Variants in GUCY1A2 observed in about 807,000 individuals in gnomAD.
The protein encoded by GUCY1A2 is guanylate cyclase 1 soluble subunit alpha 2.
A neutral mutation model predicts 63.5 loss-of-function variants in GUCY1A2; 27 were observed. The observed-to-expected ratio is 0.43, with a 90% CI of 0.31 to 0.59. The LOEUF (loss-of-function observed/expected upper bound fraction) is 0.59. GUCY1A2 is among the 20% of genes least tolerant of loss of function. GUCY1A2 has a pLI of 0.11. For missense variants in GUCY1A2, 768 were observed against 913.3 expected, an observed-to-expected ratio of 0.84 and a Z score of 2.05; for synonymous variants, 364 against 343.5, an observed-to-expected ratio of 1.06 and a Z score of -0.66.
At chr11:107,008,108 AC>A (rs2120200748) in intron 1 of GUCY1A2, among the ~76,000 whole-genome samples, 1 of 149,514 alleles carries the variant, frequency 6.7e-6, no homozygotes, top group Admixed American at 7.2e-5. Context: ...ATATGGCGAA[AC>A]CCCTAATAAA....
At chr11:106,760,935 A>ATACTC (rs1864056015) in intron 6 of GUCY1A2, among the ~76,000 whole-genome samples, 1 of 152,176 alleles carries the variant, frequency 6.6e-6, no homozygotes, top group Non-Finnish European at 1.5e-5. Flanking sequence ...AAAAATAGTA[A>ATACTC]TACTCTGATA....
intron 7 of GUCY1A2, among the ~76,000 whole-genome samples, chr11:106,691,765 A>G (rs1277552882): frequency 6.6e-6 from 1 of 152,216 alleles, no homozygotes; most frequent in Admixed American, 6.5e-5. Context: ...CCCAGTAAAC[A>G]TTTTGGTATC....
At chr11:106,850,080 C>T (rs892315534) in intron 4 of GUCY1A2, among the ~76,000 whole-genome samples, 4 of 151,708 alleles carry the variant, frequency 2.6e-5, no homozygotes, top group African/African-American at 9.7e-5. Flanking sequence ...AGGCAAACTA[C>T]TAATCTAGTC....
intron 7 of GUCY1A2, among the ~76,000 whole-genome samples, chr11:106,697,531 T>G (rs1226185332): frequency 6.6e-6 from 1 of 152,162 alleles, no homozygotes; most frequent in African/African-American, 2.4e-5. Flanking sequence ...TTTGAGAGGA[T>G]TTGAAACAAA....
chr11:106,990,686 CA>C (rs1861459952), intron 1 of GUCY1A2, among the ~76,000 whole-genome samples: 1 of 152,232 alleles, frequency 6.6e-6, no homozygotes, highest in South Asian at 2.1e-4. Context: ...AGCTGCAGCT[CA>C]GGGAGGTTAA....
At chr11:106,697,977 C>T (rs1376140087) in intron 7 of GUCY1A2, among the ~76,000 whole-genome samples, 1 of 152,138 alleles carries the variant, frequency 6.6e-6, no homozygotes, top group Admixed American at 6.6e-5. Context: ...ACTCCACTCC[C>T]TGTGGAACAT....
intron 5 of GUCY1A2, among the ~76,000 whole-genome samples, chr11:106,800,762 T>C (rs560566197): frequency 6.6e-6 from 1 of 151,860 alleles, no homozygotes; most frequent in East Asian, 1.9e-4. Flanking sequence ...GGGGGAGGGA[T>C]AGCATTAGGA....
chr11:106,765,998 C>T (rs1003497634), intron 6 of GUCY1A2, among the ~76,000 whole-genome samples: 2 of 152,102 alleles, frequency 1.3e-5, no homozygotes, highest in Non-Finnish European at 2.9e-5. Context: ...GGAAGCATTA[C>T]AAATGTCCAG....
At chr11:107,001,675 G>A (rs1861614881) in intron 1 of GUCY1A2, among the ~76,000 whole-genome samples, 1 of 150,098 alleles carries the variant, frequency 6.7e-6, no homozygotes, top group East Asian at 1.9e-4. Context: ...CATTTGTGTG[G>A]TATACTTAAA....
intron 4 of GUCY1A2, among the ~76,000 whole-genome samples, chr11:106,910,283 T>C (rs1350596854): frequency 1.3e-5 from 2 of 152,004 alleles, no homozygotes; most frequent in East Asian, 3.9e-4. Context: ...ATCCCTATTA[T>C]ATTTCAAAAT....
At position 106,676,970 on chromosome 11, in the gene GUCY1A2, G is replaced by C. The variant is rs1412991510; in HGVS notation, c.*10579C>G. On this transcript the variant is annotated 3_prime_UTR_variant, in exon 8 of 8. Coordinates refer to ENST00000526355, the MANE Select transcript of GUCY1A2 (RefSeq NM_000855.3). Reference sequence around the variant, plus strand: ...AGACCCACATTTCTCTTGACTGACAGTCTCTGGAAGTCAAGGTCCCAATTC... The same window carrying C: ...AGACCCACATTTCTCTTGACTGACACTCTCTGGAAGTCAAGGTCCCAATTC... 2.4e-5 allele frequency: 5 copies of C among 211,640 alleles called. No individual in the cohort carries two copies. The highest frequency in any genetic ancestry group is 3.8e-5 in the Non-Finnish European group (4 of 104,202). The allele number at this position is 211,640 out of a possible 1,614,324, so 13.1% of individuals were successfully genotyped here.
At position 106,677,601 on chromosome 11, in the gene GUCY1A2, A is replaced by C. The variant is rs149476512; in HGVS notation, c.*9948T>G. ...ATTAAATTTCTTGTTTGTTTTATCA[A>C]AGTTTTGACATGCTGAATTTCATGG... is the stretch of plus-strand genomic sequence containing the variant. On this transcript the variant is annotated 3_prime_UTR_variant, in exon 8 of 8. Coordinates refer to ENST00000526355, the MANE Select transcript of GUCY1A2 (RefSeq NM_000855.3). 4.8e-6 allele frequency: 1 copy of C among 207,804 alleles called. No homozygotes were observed. The highest frequency in any genetic ancestry group is 9.8e-6 in the Non-Finnish European group (1 of 101,814). The allele number at this position is 207,804 out of a possible 1,614,324, so 12.9% of individuals were successfully genotyped here.
intron 6 of GUCY1A2, among the ~76,000 whole-genome samples, chr11:106,758,514 T>C (rs912434062): frequency 1.3e-5 from 2 of 152,130 alleles, no homozygotes; most frequent in Non-Finnish European, 2.9e-5. Flanking sequence ...GCACCCACTG[T>C]CCAACCAGTC....
intron 6 of GUCY1A2, among the ~76,000 whole-genome samples, chr11:106,714,387 A>G (rs1863180895): frequency 1.3e-5 from 2 of 152,336 alleles, no homozygotes; most frequent in South Asian, 2.1e-4. Context: ...GAAACTTACA[A>G]GCTGAATCAG....
chr11:106,904,278 T>C (rs1458065294), intron 4 of GUCY1A2, among the ~76,000 whole-genome samples: 1 of 152,132 alleles, frequency 6.6e-6, no homozygotes, highest in African/African-American at 2.4e-5. Context: ...AAAATGGAGA[T>C]AAGTAACATA....
In GUCY1A2 at chr11:106,891,172, T is replaced by G. The variant is rs542577957; in HGVS notation, c.1206+48288A>C. On this transcript the variant is annotated intron_variant, in intron 4 of 7. Coordinates refer to ENST00000526355, the MANE Select transcript of GUCY1A2 (RefSeq NM_000855.3). ...CAGTCTTTCCAATGTGAGCCATTGG[T>G]AGTGGTATGTCACTGTGGTTTTAAT... Among the ~76,000 whole-genome samples, 165 of 152,284 alleles carry G rather than the reference T, an allele frequency of 1.1e-3. 3 individuals are homozygous for G. The highest frequency in any genetic ancestry group is 3.6e-3 in the African/African-American group (149 of 41,584).
At chr11:106,698,793 GC>G (rs1862767538) in intron 7 of GUCY1A2, among the ~76,000 whole-genome samples, 1 of 152,054 alleles carries the variant, frequency 6.6e-6, no homozygotes, top group Non-Finnish European at 1.5e-5. Context: ...CATTTATGTG[GC>G]TTATCCAGGG....
At chr11:106,870,231 G>A (rs1859658318) in intron 4 of GUCY1A2, among the ~76,000 whole-genome samples, 1 of 151,924 alleles carries the variant, frequency 6.6e-6, no homozygotes, top group African/African-American at 2.4e-5. Context: ...TTGTGCACAT[G>A]TACCCTAGAA....
rs180921909 is a variant in GUCY1A2, at chr11:106,808,553, G to T, written c.1692+1440C>A. 3.9e-5 allele frequency among the ~76,000 whole-genome samples: 6 copies of T among 152,052 alleles called. No individual in the cohort carries two copies. In the East Asian group the frequency reaches 1.2e-3, roughly 29 times the overall value. On this transcript the variant is annotated intron_variant, in intron 5 of 7. Coordinates refer to ENST00000526355, the MANE Select transcript of GUCY1A2 (RefSeq NM_000855.3). ...CTAACTGATACTTATGTTTGTCAGG[G>T]ATTCCCATGTTTTTTCCAGAGAATA...
Sources: allele counts gnomAD v4.1 joint callset (sites outside exome capture counted in the v4.1 genomes callset), GRCh38; gene constraint gnomAD v4.1.1; transcripts MANE v1.5; gene names NCBI Gene and HGNC (gene_info 2026-07-23, HGNC 2026-07-21).